Variants in ARHGEF18 observed in about 807,000 individuals in gnomAD.
The protein encoded by ARHGEF18 is rho guanine nucleotide exchange factor 18.
In ARHGEF18, 93 loss-of-function variants were observed where a neutral mutation model predicts 155.7. The ratio of observed to expected loss-of-function variants is 0.60; its 90% confidence interval spans 0.50 to 0.71. The LOEUF (loss-of-function observed/expected upper bound fraction) is 0.71, where lower values mean the gene tolerates loss of function less well. ARHGEF18 is among the 30% of genes least tolerant of loss of function. The pLI, the probability that ARHGEF18 is intolerant of heterozygous loss-of-function variation, is 0.00. For missense variants in ARHGEF18, 1,593 were observed against 1,816.1 expected, an observed-to-expected ratio of 0.88 and a Z score of 2.23; for synonymous variants, 742 against 753.1, an observed-to-expected ratio of 0.99 and a Z score of 0.24.
intron 10 of ARHGEF18, among the ~76,000 whole-genome samples, chr19:7,417,941 CTG>C (rs1379274379): frequency 1.3e-5 from 2 of 152,168 alleles, no homozygotes; most frequent in South Asian, 2.1e-4. Flanking sequence ...CATAAGGTCT[CTG>C]GTGCATATTT....
intron 10 of ARHGEF18, among the ~76,000 whole-genome samples, chr19:7,418,980 C>T (rs1422754961): frequency 6.6e-6 from 1 of 151,952 alleles, no homozygotes; most frequent in Non-Finnish European, 1.5e-5. Context: ...CTCTCCAGCC[C>T]CCCAGCAGCC....
intron 10 of ARHGEF18, among the ~76,000 whole-genome samples, chr19:7,385,988 C>T (rs1971047163): frequency 7.6e-6 from 1 of 130,808 alleles, no homozygotes; most frequent in South Asian, 2.7e-4. Context: ...CTCCCTCTCT[C>T]TCTCTCTCCC....
chr19:7,434,525 A>C (rs1288723634), intron 10 of ARHGEF18, among the ~76,000 whole-genome samples: 1 of 152,114 alleles, frequency 6.6e-6, no homozygotes, highest in Non-Finnish European at 1.5e-5. Flanking sequence ...AATCGATCGC[A>C]CCTCTCAGCA....
downstream of ARHGEF18, among the ~76,000 whole-genome samples, chr19:7,474,194 C>G (rs1977160608): frequency 6.6e-6 from 1 of 151,878 alleles, no homozygotes; most frequent in African/African-American, 2.4e-5. Flanking sequence ...CAAAAATCAG[C>G]CGGGCGTGGT....
chr19:7,379,830 C>A (rs76190228), intron 7 of ARHGEF18, among the ~76,000 whole-genome samples: 4,103 of 152,044 alleles, frequency 0.027, 166 homozygotes, highest in African/African-American at 0.091. Flanking sequence ...GAGTTTGAGA[C>A]CAGCTTGGGA....
At chr19:7,438,420 T>C (rs1468452932) in intron 10 of ARHGEF18, among the ~76,000 whole-genome samples, 1 of 148,988 alleles carries the variant, frequency 6.7e-6, no homozygotes, top group Non-Finnish European at 1.5e-5. Flanking sequence ...TTTTTTTTTT[T>C]TTATTTTTGA....
At chr19:7,377,244 T>C (rs1418130560) in intron 5 of ARHGEF18, among the ~76,000 whole-genome samples, 1 of 152,118 alleles carries the variant, frequency 6.6e-6, no homozygotes, top group Non-Finnish European at 1.5e-5. Context: ...CTAATTTTTG[T>C]ATTTTTAGTA....
intron 10 of ARHGEF18, among the ~76,000 whole-genome samples, chr19:7,431,763 G>A (rs962814863): frequency 2.6e-5 from 4 of 152,202 alleles, no homozygotes; most frequent in African/African-American, 9.7e-5. Flanking sequence ...GCGGTGAGCC[G>A]AGATTGCGCC....
chr19:7,370,118 AC>A (rs1970133244), intron 2 of ARHGEF18, among the ~76,000 whole-genome samples: 1 of 151,550 alleles, frequency 6.6e-6, no homozygotes, highest in Admixed American at 6.6e-5. Context: ...AATCACTTGA[AC>A]CCAGGAGGCA....
At chr19:7,410,699 A>T (rs527965311) in intron 10 of ARHGEF18, among the ~76,000 whole-genome samples, 1 of 148,128 alleles carries the variant, frequency 6.8e-6, no homozygotes, top group South Asian at 2.2e-4. Flanking sequence ...AATCCCATTT[A>T]CTTGGGAGGC....
In ARHGEF18 at chr19:7,447,067, A is replaced by G. The variant is rs760196940; in HGVS notation, c.1636A>G (p.Met546Val). Residue 546 changes from methionine (M) to valine (V), a missense_variant, in exon 15 of 29, where the codon ATG (methionine) becomes GTG (valine). Coordinates refer to ENST00000668164, the MANE Select transcript of ARHGEF18 (RefSeq NM_001367823.1). ...QQFSGENGER[M>V]KEKYGVFCSG... ...GTTTTCAGGTGAAAATGGGGAGAGA[A>G]TGAAAGAAAAGTACGGTGTGTTTTG... 6.2e-7 allele frequency: 1 copy of G among 1,613,514 alleles called. No homozygotes were observed. Among genetic ancestry groups the G allele is most frequent in the Admixed American group, 1.7e-5 (1 of 59,948 alleles).
intron 10 of ARHGEF18, among the ~76,000 whole-genome samples, chr19:7,421,423 C>A (rs932003005): frequency 6.6e-6 from 1 of 152,112 alleles, no homozygotes; most frequent in Non-Finnish European, 1.5e-5. Context: ...ACTGTACCCC[C>A]CTCTTCTTTT....
chr19:7,433,110 G>A (rs1368235752), intron 10 of ARHGEF18, among the ~76,000 whole-genome samples: 2 of 151,680 alleles, frequency 1.3e-5, no homozygotes, highest in Non-Finnish European at 2.9e-5. Flanking sequence ...TCAGTGAGCT[G>A]TGATCATGCC....
At chr19:7,473,997 A>G (rs935133208), downstream of ARHGEF18, among the ~76,000 whole-genome samples, 1 of 151,770 alleles carries the variant, frequency 6.6e-6, no homozygotes. Flanking sequence ...AGCTTAAAAA[A>G]AAAAAAGGAA....
chr19:7,356,150 G>A (rs1009867314), intron 1 of ARHGEF18, among the ~76,000 whole-genome samples: 3 of 151,742 alleles, frequency 2.0e-5, no homozygotes, highest in Non-Finnish European at 4.4e-5. Flanking sequence ...ATCGGCTGGT[G>A]CTCTCTCTCT....
intron 2 of ARHGEF18, among the ~76,000 whole-genome samples, chr19:7,364,864 C>G (rs1041762325): frequency 1.3e-5 from 2 of 152,132 alleles, no homozygotes; most frequent in Non-Finnish European, 2.9e-5. Context: ...TGTGTTGGGT[C>G]TCCAGGAAGC....
At chr19:7,359,744 GGAGTTCAATCTGTAAAACTAGGATCA>G (rs149910729) in intron 1 of ARHGEF18, among the ~76,000 whole-genome samples, 29,611 of 151,974 alleles carry the variant, frequency 0.19, 3,461 homozygotes, top group Non-Finnish European at 0.26. Context: ...CACAAAGATT[GGAGTTCAATCTGTAAAACTAGGATCA>G]GAGTTGAGTC....
chr19:7,351,706 T>C (rs1352148974), intron 1 of ARHGEF18, among the ~76,000 whole-genome samples: 10 of 141,448 alleles, frequency 7.1e-5, no homozygotes, highest in African/African-American at 2.2e-4. Context: ...CTCTCTCTCT[T>C]TTTTTTTTTT....
chr19:7,455,672 G>A (rs1249163957), intron 17 of ARHGEF18, among the ~76,000 whole-genome samples: 1 of 152,142 alleles, frequency 6.6e-6, no homozygotes, highest in Non-Finnish European at 1.5e-5. Context: ...TCATGCTGCT[G>A]ATAAAGACAT....
Sources: allele counts gnomAD v4.1 joint callset (sites outside exome capture counted in the v4.1 genomes callset), GRCh38; gene constraint gnomAD v4.1.1; transcripts MANE v1.5; gene names NCBI Gene and HGNC (gene_info 2026-07-23, HGNC 2026-07-21).